The following KLHL28 variants were observed in gnomAD, a reference collection of about 807,000 sequenced individuals.
KLHL28 encodes kelch-like protein 28.
KLHL28 carries 22 observed loss-of-function variants against 48.3 expected under a neutral mutation model. The observed-to-expected ratio is 0.46, with a 90% CI of 0.33 to 0.65. The LOEUF (loss-of-function observed/expected upper bound fraction) is 0.65, where lower values mean the gene tolerates loss of function less well. Among genes scored for constraint, KLHL28 ranks in the 30% least tolerant of loss-of-function variants. The probability of loss-of-function intolerance (pLI) is 0.03; values close to 1 mark genes in which losing one functional copy is unlikely to be tolerated. For synonymous variants in KLHL28, 243 were observed against 242.4 expected, an observed-to-expected ratio of 1.00 and a Z score of -0.02; for missense variants, 527 against 704.3, an observed-to-expected ratio of 0.75 and a Z score of 2.85.
rs139529784 is a variant in KLHL28, at chr14:44,961,355, G to T, written c.-1+491C>A. Among the ~76,000 whole-genome samples, 908 of 152,202 alleles carry T rather than the reference G, an allele frequency of 6.0e-3. 6 individuals are homozygous for T. Among genetic ancestry groups the T allele is most frequent in the African/African-American group, 0.017 (695 of 41,524 alleles). Reference sequence around the variant, plus strand: ...ACAGAGGAACTGCATTAGAAGGAAAGATTTTGATAACGTCTAAGGGAGAGG... The same window carrying T: ...ACAGAGGAACTGCATTAGAAGGAAATATTTTGATAACGTCTAAGGGAGAGG... On this transcript the variant is annotated intron_variant, in intron 1 of 4. Transcript: ENST00000396128.
In KLHL28 at chr14:44,945,227, G is replaced by C. The variant is rs762476519; in HGVS notation, c.702C>G (p.Leu234=). Residue 234 remains leucine, a synonymous_variant, in exon 2 of 5, where the codon CTC becomes CTG. Coordinates refer to ENST00000396128, the MANE Select transcript of KLHL28 (RefSeq NM_017658.5). Reference sequence around the variant, plus strand: ...GATGATTTGCTTCATATAGTCTAGTGAGAAACTTAACACTCAACAATGGTA... The same window carrying C: ...GATGATTTGCTTCATATAGTCTAGTCAGAAACTTAACACTCAACAATGGTA... ...VRLPLLSVKF[L]TRLYEANHLI... 2 of 1,614,082 alleles carry C rather than the reference G, an allele frequency of 1.2e-6. No individual in the cohort carries two copies. The highest frequency in any genetic ancestry group is 2.7e-5 in the African/African-American group (2 of 75,052).
chr14:44,932,280 T>C (rs1024633834), intron 3 of KLHL28, among the ~76,000 whole-genome samples: 5 of 150,954 alleles, frequency 3.3e-5, no homozygotes, highest in African/African-American at 9.7e-5. Context: ...CTTTATTTTT[T>C]TTCGTCACAG....
At position 44,924,797 on chromosome 14, in the gene KLHL28, A is replaced by G. The variant is rs1300384145; in HGVS notation, c.*4231T>C. 2 of 152,646 alleles carry G rather than the reference A, an allele frequency of 1.3e-5. No homozygotes were observed. Among genetic ancestry groups the G allele is most frequent in the East Asian group, 3.8e-4 (2 of 5,204 alleles). The allele number at this position is 152,646 out of a possible 1,614,324, so 9.5% of individuals were successfully genotyped here. On this transcript the variant is annotated 3_prime_UTR_variant, in exon 5 of 5. Transcript: ENST00000396128. Reference sequence around the variant, plus strand: ...TGGGACTTACACATAACTTGACAAAATTAACAATAAGTTATCTCTAGTAAA... The same window carrying G: ...TGGGACTTACACATAACTTGACAAAGTTAACAATAAGTTATCTCTAGTAAA...
In KLHL28 at chr14:44,945,854, C is replaced by G; in HGVS notation, c.75G>C (p.Leu25Phe). 1 of 1,614,122 alleles carries G rather than the reference C, an allele frequency of 6.2e-7. No individual in the cohort carries two copies. Among genetic ancestry groups the G allele is most frequent in the Non-Finnish European group, 8.5e-7 (1 of 1,180,016 alleles). The change falls in exon 2 of 5, where the codon TTG becomes TTC. Residue 25 changes from leucine (L) to phenylalanine (F), a missense_variant. Transcript: ENST00000396128. Reference sequence around the variant, plus strand: ...GTTCGTGATGTTGGCGAAGAAGATTCAAGCCCTGCAGAAGTTGTTCAGAAT... The same window carrying G: ...GTTCGTGATGTTGGCGAAGAAGATTGAAGCCCTGCAGAAGTTGTTCAGAAT... ...HLHSEQLLQG[L>F]NLLRQHHELC...
rs1427103957 is a variant in KLHL28, at chr14:44,945,370, T to C, written c.559A>G (p.Asn187Asp). Residue 187 changes from asparagine (N) to aspartate (D), a missense_variant, in exon 2 of 5, where the codon AAT becomes GAT. Coordinates refer to ENST00000396128, the MANE Select transcript of KLHL28 (RefSeq NM_017658.5). The part of the protein sequence containing the change: ...THADLDEIVS[N>D]DCLNVATEET... ...TCGGTAGCTACATTCAAACAGTCAT[T>C]GGAAACAATTTCATCCAAGTCAGCA... 1.9e-6 allele frequency: 3 copies of C among 1,614,032 alleles called. No homozygotes were observed. The highest frequency in any genetic ancestry group is 2.5e-6 in the Non-Finnish European group (3 of 1,180,028).
chr14:44,931,206 A>C, intron 4 of KLHL28, 127 bp downstream of exon 4: 1 of 601,922 alleles, frequency 1.7e-6, no homozygotes, highest in South Asian at 2.6e-5. Context: ...ACCACATACA[A>C]GTCTTTTTTT....
intron 3 of KLHL28, 104 bp from the exon 4 acceptor site, chr14:44,931,645 G>A (rs1883593194): frequency 2.5e-6 from 2 of 792,892 alleles, no homozygotes; most frequent in South Asian, 1.8e-5. Context: ...ACATAATAGA[G>A]AGATATTAAA....
At chr14:44,932,173 C>T (rs775222350) in intron 3 of KLHL28, among the ~76,000 whole-genome samples, 1 of 143,526 alleles carries the variant, frequency 7.0e-6, no homozygotes, top group Non-Finnish European at 1.5e-5. Flanking sequence ...AAGGTACATG[C>T]CCCCATGCCT....
intron 3 of KLHL28, among the ~76,000 whole-genome samples, chr14:44,932,420 G>A (rs879612400): frequency 6.6e-6 from 1 of 152,128 alleles, no homozygotes; most frequent in African/African-American, 2.4e-5. Flanking sequence ...CAGAGAACGT[G>A]TGGCATTTCT....
At chr14:44,944,773 G>A (rs1234718859) in intron 2 of KLHL28, among the ~76,000 whole-genome samples, 1 of 152,118 alleles carries the variant, frequency 6.6e-6, no homozygotes, top group Non-Finnish European at 1.5e-5. Flanking sequence ...AGAGAAAATG[G>A]AATAAAAGTT....
At chr14:44,933,522 T>C (rs945428489) in intron 3 of KLHL28, among the ~76,000 whole-genome samples, 1 of 152,116 alleles carries the variant, frequency 6.6e-6, no homozygotes, top group Non-Finnish European at 1.5e-5. Flanking sequence ...GGTTCAGAAT[T>C]ACGATTAATT....
intron 2 of KLHL28, among the ~76,000 whole-genome samples, chr14:44,937,950 T>A (rs1302233456): frequency 6.6e-6 from 1 of 152,208 alleles, no homozygotes; most frequent in African/African-American, 2.4e-5. Context: ...AGTCACCTAT[T>A]AAAGGCCCCA....
intron 2 of KLHL28, among the ~76,000 whole-genome samples, chr14:44,942,420 A>T (rs1346372503): frequency 6.6e-6 from 1 of 152,204 alleles, no homozygotes; most frequent in African/African-American, 2.4e-5. Context: ...ATCTTATTTA[A>T]TCAATCTGAT....
chr14:44,959,876 CTTT>C (rs918764612), intron 1 of KLHL28, among the ~76,000 whole-genome samples: 10 of 151,854 alleles, frequency 6.6e-5, no homozygotes, highest in Admixed American at 3.9e-4. Context: ...ATACAAAAGG[CTTT>C]TTAAGTCAAT....
intron 1 of KLHL28, among the ~76,000 whole-genome samples, chr14:44,948,360 A>T (rs1349030052): frequency 6.6e-6 from 1 of 152,190 alleles, no homozygotes; most frequent in East Asian, 1.9e-4. Context: ...GTGAGGCGAT[A>T]GAGATAAAAC....
chr14:44,961,720 C>T (rs909172692), intron 1 of KLHL28, 126 bp downstream of exon 1: 1 of 152,300 alleles, frequency 6.6e-6, no homozygotes, highest in African/African-American at 2.4e-5. Flanking sequence ...GAGCCCTGCA[C>T]AAGAAGATGT....
chr14:44,928,930 G>C lies in KLHL28; in HGVS notation c.*98C>G. ...CCTTCATGCTACTTCAAGTTAAAAA[G>C]AAAGCAATGCAGCTTGTGGGTTTCA... On this transcript the variant is annotated 3_prime_UTR_variant, in exon 5 of 5. Transcript: ENST00000396128. 1 of 1,076,282 alleles carries C rather than the reference G, an allele frequency of 9.3e-7. No individual in the cohort carries two copies. Among genetic ancestry groups the C allele is most frequent in the East Asian group, 2.5e-5 (1 of 39,266 alleles). The allele number at this position is 1,076,282 out of a possible 1,614,324, so 66.7% of individuals were successfully genotyped here.
intron 1 of KLHL28, among the ~76,000 whole-genome samples, chr14:44,957,424 A>G (rs1594586902): frequency 6.6e-6 from 1 of 152,238 alleles, no homozygotes; most frequent in Non-Finnish European, 1.5e-5. Context: ...AATTAGTAAA[A>G]AACATTACTG....
intron 1 of KLHL28, among the ~76,000 whole-genome samples, chr14:44,955,516 G>A (rs1053604924): frequency 2.0e-5 from 3 of 151,980 alleles, no homozygotes; most frequent in African/African-American, 7.2e-5. Flanking sequence ...ATCCTAGGTA[G>A]TATAATCCCA....
Sources: allele counts gnomAD v4.1 joint callset (sites outside exome capture counted in the v4.1 genomes callset), GRCh38; gene constraint gnomAD v4.1.1; transcripts MANE v1.5; gene names NCBI Gene and HGNC (gene_info 2026-07-23, HGNC 2026-07-21).